The following CPQ variants were observed in gnomAD, a reference collection of about 807,000 sequenced individuals.
The protein encoded by CPQ is carboxypeptidase Q, also known as Ser-Met dipeptidase.
In CPQ, 37 loss-of-function variants were observed where a neutral mutation model predicts 45.7. That is an observed-to-expected ratio of 0.81 (90% CI 0.62 to 1.07). The LOEUF (loss-of-function observed/expected upper bound fraction) is 1.07, where lower values mean the gene tolerates loss of function less well. Ranked by LOEUF, CPQ falls within the 50% of genes least tolerant of loss-of-function variation. The pLI is 0.00. For missense variants in CPQ, 537 were observed against 572.9 expected, an observed-to-expected ratio of 0.94 and a Z score of 0.64; for synonymous variants, 186 against 205.8, an observed-to-expected ratio of 0.90 and a Z score of 0.82.
chr8:96,936,489 C>A (rs1023932641), intron 4 of CPQ, among the ~76,000 whole-genome samples: 1 of 152,140 alleles, frequency 6.6e-6, no homozygotes, highest in East Asian at 1.9e-4. Context: ...CAACATTAAA[C>A]ATTAATTTTT....
At chr8:96,722,161 G>A (rs568880320) in intron 1 of CPQ, among the ~76,000 whole-genome samples, 92 of 152,164 alleles carry the variant, frequency 6.0e-4, no homozygotes, top group African/African-American at 2.1e-3. Context: ...TTCACAAGTA[G>A]GTATTCCATT....
intron 1 of CPQ, among the ~76,000 whole-genome samples, chr8:96,772,186 G>T (rs1351358363): frequency 2.0e-4 from 30 of 152,152 alleles, no homozygotes; most frequent in Admixed American, 2.0e-3. Context: ...GATTATTGTG[G>T]TAGTTCAGGT....
In CPQ at chr8:96,741,576, A is replaced by G. The variant is rs1267627025; in HGVS notation, c.-34-43288A>G. ...TTTTAATTGTGATGTTAGGGTGTCA[A>G]TTTTGGATCTTTCCTGCTTTCTCTT... On this transcript the variant is annotated intron_variant, in intron 1 of 7. Coordinates refer to ENST00000220763, the MANE Select transcript of CPQ (RefSeq NM_016134.4). Among the ~76,000 whole-genome samples the G allele has an allele frequency of 2.0e-5, 3 of 151,752 alleles. 1 individual carries two copies. Among genetic ancestry groups the G allele is most frequent in the Non-Finnish European group, 1.5e-5 (1 of 67,950 alleles).
chr8:96,885,391 C>A (rs1366266841), intron 4 of CPQ, among the ~76,000 whole-genome samples: 1 of 152,202 alleles, frequency 6.6e-6, no homozygotes. Flanking sequence ...AAGTTCTCAA[C>A]ACATGAACTT....
rs747554678 is a variant in CPQ, at chr8:97,143,220, A to G, written c.*37A>G. 1.9e-6 allele frequency: 3 copies of G among 1,607,158 alleles called. No homozygotes were observed. Among genetic ancestry groups the G allele is most frequent in the South Asian group, 2.2e-5 (2 of 90,218 alleles). ...AAGAAACGTTTTCATGCTTCTGGCC[A>G]GGAATCCTGGGTCTGCAACTTTGGA... On this transcript the variant is annotated 3_prime_UTR_variant, in exon 8 of 8. Coordinates refer to ENST00000220763, the MANE Select transcript of CPQ (RefSeq NM_016134.4).
At chr8:96,704,286 A>G (rs1482332957) in intron 1 of CPQ, among the ~76,000 whole-genome samples, 1 of 152,158 alleles carries the variant, frequency 6.6e-6, no homozygotes, top group South Asian at 2.1e-4. Context: ...CTCATGACAA[A>G]TGTAGCTCTA....
chr8:96,864,552 A>G (rs1239277257), intron 3 of CPQ, among the ~76,000 whole-genome samples: 1 of 152,028 alleles, frequency 6.6e-6, no homozygotes, highest in African/African-American at 2.4e-5. Flanking sequence ...TAGAATGGCT[A>G]CATATTCTAT....
At chr8:97,002,827 T>G (rs1398640089) in intron 5 of CPQ, among the ~76,000 whole-genome samples, 1 of 152,172 alleles carries the variant, frequency 6.6e-6, no homozygotes, top group Non-Finnish European at 1.5e-5. Context: ...TAATTTTCTG[T>G]CTTAGTGATC....
In CPQ at chr8:97,037,663, C is replaced by T. The variant is rs556524649; in HGVS notation, c.1053+8169C>T. ...ATGATTTATACTGCACACCTGGGAG[C>T]TCTTAAGGGTCTTATTAGAATTTGT... On this transcript the variant is annotated intron_variant, in intron 6 of 7. Coordinates refer to ENST00000220763, the MANE Select transcript of CPQ (RefSeq NM_016134.4). Among the ~76,000 whole-genome samples the T allele has an allele frequency of 2.1e-3, 316 of 152,220 alleles. 1 individual carries two copies. Among genetic ancestry groups the T allele is most frequent in the Middle Eastern group, 0.014 (4 of 294 alleles).
At chr8:96,915,866 C>T (rs1296469726) in intron 4 of CPQ, among the ~76,000 whole-genome samples, 2 of 152,278 alleles carry the variant, frequency 1.3e-5, no homozygotes, top group South Asian at 4.1e-4. Flanking sequence ...AGAGAACCTC[C>T]TCTCCCACTT....
chr8:96,832,830 A>G (rs1413549476), intron 2 of CPQ, among the ~76,000 whole-genome samples: 1 of 152,118 alleles, frequency 6.6e-6, no homozygotes, highest in African/African-American at 2.4e-5. Context: ...AGAAGTGGAA[A>G]TGGGGAAGAG....
intron 4 of CPQ, among the ~76,000 whole-genome samples, chr8:96,934,174 C>T (rs1813014227): frequency 1.3e-5 from 2 of 152,190 alleles, no homozygotes; most frequent in South Asian, 4.1e-4. Context: ...CATGTCATGT[C>T]TGGCATTCTC....
intron 7 of CPQ, among the ~76,000 whole-genome samples, chr8:97,093,792 T>C (rs1811165430): frequency 6.6e-6 from 1 of 152,210 alleles, no homozygotes; most frequent in Admixed American, 6.5e-5. Context: ...TTGAAATCTT[T>C]AAAGTAATCA....
At chr8:97,139,071 C>T (rs767492974) in intron 7 of CPQ, among the ~76,000 whole-genome samples, 2 of 151,986 alleles carry the variant, frequency 1.3e-5, no homozygotes, top group African/African-American at 2.4e-5. Context: ...GCCAGTAAAA[C>T]GATGGGAAAG....
intron 3 of CPQ, among the ~76,000 whole-genome samples, chr8:96,876,075 T>C (rs1812141327): frequency 1.3e-5 from 2 of 152,034 alleles, no homozygotes; most frequent in Non-Finnish European, 1.5e-5. Flanking sequence ...GCTTAGTTAA[T>C]TTAATTTTCA....
At chr8:96,936,162 C>T (rs1236240573) in intron 4 of CPQ, among the ~76,000 whole-genome samples, 1 of 152,096 alleles carries the variant, frequency 6.6e-6, no homozygotes, top group Non-Finnish European at 1.5e-5. Context: ...CACCCAGATG[C>T]AGTGCAGCAA....
At chr8:96,745,874 T>C (rs1275430957) in intron 1 of CPQ, among the ~76,000 whole-genome samples, 1 of 152,252 alleles carries the variant, frequency 6.6e-6, no homozygotes, top group East Asian at 1.9e-4. Flanking sequence ...AGGACTGTTA[T>C]AGTGAGAGTT....
At chr8:96,869,976 G>C (rs1164751549) in intron 3 of CPQ, among the ~76,000 whole-genome samples, 1 of 151,940 alleles carries the variant, frequency 6.6e-6, no homozygotes, top group Non-Finnish European at 1.5e-5. Context: ...GTAGATACTA[G>C]GTATGCAAAA....
chr8:96,781,478 T>A (rs1810684367), intron 1 of CPQ, among the ~76,000 whole-genome samples: 1 of 152,308 alleles, frequency 6.6e-6, no homozygotes, highest in African/African-American at 2.4e-5. Context: ...CATTTGTCCA[T>A]TCACGAGGGC....
Sources: gnomAD v4.1 joint callset for allele counts (sites outside exome capture counted in the v4.1 genomes callset) on GRCh38, gnomAD v4.1.1 for gene constraint, MANE v1.5 for transcripts, NCBI Gene and HGNC (gene_info 2026-07-23, HGNC 2026-07-21) for gene names.